Variants in UTY observed in about 807,000 individuals in gnomAD.
UTY encodes histone demethylase UTY.
A neutral mutation model predicts 32.5 loss-of-function variants in UTY; 12 were observed. That is an observed-to-expected ratio of 0.37 (90% CI 0.24 to 0.60). The LOEUF (loss-of-function observed/expected upper bound fraction) is 0.60. Among genes scored for constraint, UTY ranks in the 20% least tolerant of loss-of-function variants. The pLI is 0.69. For synonymous variants in UTY, 131 were observed against 103.4 expected, an observed-to-expected ratio of 1.27 and a Z score of -1.62; for missense variants, 303 against 299.2, an observed-to-expected ratio of 1.01 and a Z score of -0.09.
At chrY:13,269,451 C>G in intron 27 of UTY, among the ~76,000 whole-genome samples, 1 of 31,394 alleles carries the variant, frequency 3.2e-5, no homozygotes, top group Non-Finnish European at 7.7e-5. Context: ...GCTCCATGGG[C>G]TCTGCTAAGC....
intron 17 of UTY, among the ~76,000 whole-genome samples, chrY:13,338,498 G>A (rs2061276768): frequency 3.6e-5 from 1 of 27,554 alleles, no homozygotes; most frequent in Non-Finnish European, 8.4e-5. Context: ...CCTGGGTGAC[G>A]GAGCAAGACT....
intron 4 of UTY, among the ~76,000 whole-genome samples, chrY:13,418,198 T>C (rs2072000374): frequency 1.0e-4 from 3 of 29,776 alleles, no homozygotes; most frequent in African/African-American, 4.1e-4. Flanking sequence ...CTGAGAATGA[T>C]GGTTTCCAGC....
intron 6 of UTY, among the ~76,000 whole-genome samples, chrY:13,405,366 T>C: frequency 3.1e-5 from 1 of 32,695 alleles, no homozygotes. Context: ...GTTAAAAAAC[T>C]TGATCTCATA....
intron 3 of UTY, among the ~76,000 whole-genome samples, chrY:13,461,471 T>C: frequency 3.0e-5 from 1 of 33,034 alleles, no homozygotes; most frequent in Non-Finnish European, 7.5e-5. Flanking sequence ...ACAAGAGTAT[T>C]TGTGTGTGTG....
chrY:13,313,818 T>C, intron 21 of UTY, among the ~76,000 whole-genome samples: 2 of 33,011 alleles, frequency 6.1e-5, no homozygotes, highest in African/African-American at 2.4e-4. Flanking sequence ...CAGTGTTGGA[T>C]TGGATAAAGA....
At chrY:13,397,970 A>G (rs2068442419) in intron 6 of UTY, among the ~76,000 whole-genome samples, 1 of 33,611 alleles carries the variant, frequency 3.0e-5, no homozygotes. Context: ...TGATACCAAC[A>G]AAGAACAAGT....
chrY:13,381,793 G>A (rs949257923), intron 8 of UTY, among the ~76,000 whole-genome samples: 4 of 33,163 alleles, frequency 1.2e-4, no homozygotes, highest in Non-Finnish European at 3.0e-4. Flanking sequence ...GGTGGCATCA[G>A]AGCCATGTTA....
intron 17 of UTY, among the ~76,000 whole-genome samples, chrY:13,347,272 C>T (rs2061984625): frequency 3.0e-5 from 1 of 33,232 alleles, no homozygotes; most frequent in Admixed American, 2.8e-4. Context: ...TCCTGCTTAC[C>T]TCCCTAGCAC....
rs750038689 is a variant in UTY, at chrY:13,336,021, T to C, written c.2376A>G (p.Gly792=). The C allele has an allele frequency of 6.3e-5, 25 of 397,120 alleles. No individual in the cohort carries two copies. The Admixed American group carries it at 1.9e-3, about 30-fold the overall frequency. ...TCAACTGATGAACATGATTAGAAAGTCCCTTGACATCAGCACAGCCATTAG... is the reference window on the plus strand; with the variant it reads ...TCAACTGATGAACATGATTAGAAAGCCCCTTGACATCAGCACAGCCATTAG... ...DTSNGCADVK[G]LSNHVHQLIA... Residue 792 remains glycine (G), a synonymous_variant, in exon 18 of 30, where the codon GGA becomes GGG. Coordinates refer to ENST00000545955, the MANE Select transcript of UTY (RefSeq NM_001258249.2).
At chrY:13,424,836 CTA>C (rs2073089760) in intron 4 of UTY, among the ~76,000 whole-genome samples, 2 of 33,917 alleles carry the variant, frequency 5.9e-5, no homozygotes, top group Admixed American at 2.6e-4. Context: ...AAAAAGAAAA[CTA>C]TGTTCCAGAC....
At chrY:13,462,920 G>A (rs2077511549) in intron 3 of UTY, among the ~76,000 whole-genome samples, 2 of 30,495 alleles carry the variant, frequency 6.6e-5, no homozygotes, top group African/African-American at 1.3e-4. Context: ...CAATGTGCAG[G>A]TTTGTTACAT....
chrY:13,319,545 A>G (rs959335408), intron 21 of UTY, among the ~76,000 whole-genome samples: 2 of 33,550 alleles, frequency 6.0e-5, no homozygotes, highest in Non-Finnish European at 1.5e-4. Flanking sequence ...CTGAAGGCCC[A>G]AGGACTATTG....
intron 27 of UTY, among the ~76,000 whole-genome samples, chrY:13,284,154 T>C (rs2057204737): frequency 5.9e-5 from 2 of 33,921 alleles, no homozygotes; most frequent in African/African-American, 2.3e-4. Flanking sequence ...AAAAAAATTT[T>C]TATGCAAAAA....
At chrY:13,254,951 G>A (rs2054579086) in intron 28 of UTY, among the ~76,000 whole-genome samples, 1 of 32,940 alleles carries the variant, frequency 3.0e-5, no homozygotes. Context: ...ACTGATAAAC[G>A]TCCTACCTGT....
intron 12 of UTY, 34 bp downstream of exon 12, chrY:13,359,733 G>A (rs750779221): frequency 2.9e-6 from 1 of 344,191 alleles, no homozygotes; most frequent in Non-Finnish European, 4.1e-6. Context: ...AGGAATATAC[G>A]TGTCATTTAA....
At chrY:13,283,052 CT>C in intron 27 of UTY, among the ~76,000 whole-genome samples, 1 of 34,893 alleles carries the variant, frequency 2.9e-5, no homozygotes, top group East Asian at 7.7e-4. Context: ...GTCTTTGGAA[CT>C]TGCCACACTC....
At chrY:13,459,052 TAATGCTA>T (rs2077141956) in intron 3 of UTY, among the ~76,000 whole-genome samples, 1 of 31,828 alleles carries the variant, frequency 3.1e-5, no homozygotes, top group African/African-American at 1.2e-4. Context: ...GAGATATACC[TAATGCTA>T]AATGACGAGT....
At chrY:13,379,555 C>G in intron 8 of UTY, among the ~76,000 whole-genome samples, 1 of 32,235 alleles carries the variant, frequency 3.1e-5, no homozygotes, top group Non-Finnish European at 7.6e-5. Context: ...GAGCACTATC[C>G]TCAGAAGGAA....
intron 26 of UTY, among the ~76,000 whole-genome samples, chrY:13,298,318 T>C (rs1044638049): frequency 1.2e-4 from 4 of 33,836 alleles, no homozygotes; most frequent in African/African-American, 4.6e-4. Flanking sequence ...TATGCTATAT[T>C]ACATAAACTG....
Sources: allele counts gnomAD v4.1 joint callset (sites outside exome capture counted in the v4.1 genomes callset), GRCh38; gene constraint gnomAD v4.1.1; transcripts MANE v1.5; gene names NCBI Gene and HGNC (gene_info 2026-07-23, HGNC 2026-07-21).